The following CD300LF variants were observed in gnomAD, a reference collection of about 807,000 sequenced individuals.
CD300LF encodes CMRF35-like molecule 1.
Under a neutral mutation model 32.2 loss-of-function variants are expected in CD300LF, and 27 were observed. That is an observed-to-expected ratio of 0.84 (90% CI 0.62 to 1.15). The LOEUF (loss-of-function observed/expected upper bound fraction) is 1.15. Ranked by LOEUF, CD300LF falls within the 50% of genes most tolerant of loss-of-function variation. The pLI is 0.00. For missense variants in CD300LF, 348 were observed against 356.8 expected (o/e 0.98, Z 0.20); for synonymous variants, 139 against 143.2 (o/e 0.97, Z 0.21).
rs1259857095 is a variant in CD300LF at position 74,694,716 on chromosome 17, C to T, written c.*380G>A. 1.8e-5 allele frequency: 3 copies of T among 165,752 alleles called. No individual in the cohort carries two copies. The highest frequency in any genetic ancestry group is 6.0e-5 in the Admixed American group (1 of 16,548). 10.3% of individuals were successfully genotyped at this position (165,752 alleles called of 1,614,324 possible). ...GTTCTGAGGATTAGGACACAGATAT[C>T]TTTGGGGGCCATTATTCAGCCCATA... On this transcript the variant is annotated 3_prime_UTR_variant, in exon 7 of 7. Transcript: ENST00000326165.
intron 4 of CD300LF, among the ~76,000 whole-genome samples, chr17:74,698,140 A>C (rs966884524): frequency 1.3e-5 from 2 of 152,212 alleles, no homozygotes; most frequent in African/African-American, 4.8e-5. Flanking sequence ...AGAGAAGAGA[A>C]GGGGAAGGAC....
chr17:74,706,208 A>G (rs1392597693), intron 1 of CD300LF, among the ~76,000 whole-genome samples: 1 of 151,982 alleles, frequency 6.6e-6, no homozygotes, highest in Non-Finnish European at 1.5e-5. Flanking sequence ...AGCATCATGC[A>G]ATATATCCAT....
Position 74,695,815 on chromosome 17 carries a change from G to T in CD300LF, c.627C>A (p.Thr209=). The T allele has an allele frequency of 6.2e-7, 1 of 1,614,170 alleles. No homozygotes were observed. The highest frequency in any genetic ancestry group is 1.1e-5 in the South Asian group (1 of 91,078). ...LEGDLCYADL[T]LQLAGTSPQK... ...GCGGGGAGGTTCCGGCCAGCTGCAG[G>T]GTCAGGTCTGCATAGCAGAGGTCGC... The change falls in exon 6 of 7, where the codon ACC becomes ACA. Residue 209 remains threonine (T), a synonymous_variant. Coordinates refer to ENST00000326165, the MANE Select transcript of CD300LF (RefSeq NM_139018.5).
Position 74,695,131 on chromosome 17 carries a change from C to A in CD300LF, c.838G>T (p.Glu280Ter), listed in dbSNP as rs2032304511. Residue 280 changes from glutamate (E) to a stop codon, truncating the protein, a stop_gained, in exon 7 of 7, where the codon GAG (glutamate) becomes TAG (stop). Coordinates refer to ENST00000326165, the MANE Select transcript of CD300LF (RefSeq NM_139018.5). LOFTEE classifies it high-confidence loss of function. Reference sequence around the variant, plus strand: ...CTGATGGTGCTGTATTCCGTGGGCTCCTCAGGGCCCCTGCCGGGGAGGTGG... The same window carrying A: ...CTGATGGTGCTGTATTCCGTGGGCTACTCAGGGCCCCTGCCGGGGAGGTGG... The part of the protein sequence containing the change: ...SSHLPGRGPE[E>*]PTEYSTISRP The A allele has an allele frequency of 2.5e-6, 4 of 1,614,160 alleles. No individual in the cohort carries two copies. The highest frequency in any genetic ancestry group is 3.4e-6 in the Non-Finnish European group (4 of 1,180,016).
At chr17:74,703,774 T>C (rs1428682440) in intron 2 of CD300LF, among the ~76,000 whole-genome samples, 1 of 152,154 alleles carries the variant, frequency 6.6e-6, no homozygotes, top group Non-Finnish European at 1.5e-5. Context: ...CCTCGAGCCA[T>C]CCTGCTTATC....
chr17:74,695,985 G>T, intron 5 of CD300LF, 126 bp from the exon 6 acceptor site: 1 of 1,296,848 alleles, frequency 7.7e-7, no homozygotes, highest in Non-Finnish European at 1.1e-6. Flanking sequence ...TTCCCTCCGT[G>T]TCCTCCACTT....
In CD300LF at chr17:74,695,718, G is replaced by T; in HGVS notation, c.717+7C>A. On this transcript the variant is annotated splice_region_variant and intron_variant, in intron 6 of 6. Transcript: ENST00000326165. ...CAGCCTCACAGCAGCCCCCATGGAG[G>T]ACGCACCATGGTGACATATTCCACT... 1 of 1,614,112 alleles carries T rather than the reference G, an allele frequency of 6.2e-7. No individual in the cohort carries two copies. The highest frequency in any genetic ancestry group is 1.1e-5 in the South Asian group (1 of 91,088).
chr17:74,712,812 A>C lies in CD300LF; in HGVS notation c.43+12T>G, dbSNP rs367985874. 1 of 1,613,808 alleles carries C rather than the reference A, an allele frequency of 6.2e-7. No individual in the cohort carries two copies. The highest frequency in any genetic ancestry group is 8.5e-7 in the Non-Finnish European group (1 of 1,179,934). Reference sequence around the variant, plus strand: ...TAAGCTTCCCCAAGAAGACAGACCCAGGCCCGCTCACCTGAGAGCCAGAAG... The same window carrying C: ...TAAGCTTCCCCAAGAAGACAGACCCCGGCCCGCTCACCTGAGAGCCAGAAG... On this transcript the variant is annotated intron_variant, in intron 1 of 6. Transcript: ENST00000326165.
intron 5 of CD300LF, 29 bp downstream of exon 5, chr17:74,696,166 C>A (rs762952216): frequency 6.3e-7 from 1 of 1,592,156 alleles, no homozygotes; most frequent in South Asian, 1.1e-5. Flanking sequence ...TGCCTGGTCT[C>A]TCTGGTCCGA....
intron 3 of CD300LF, among the ~76,000 whole-genome samples, chr17:74,702,642 T>C (rs2033158032): frequency 6.6e-6 from 1 of 152,178 alleles, no homozygotes; most frequent in Non-Finnish European, 1.5e-5. Context: ...TGCGGCTCCA[T>C]GACCCCACGC....
intron 1 of CD300LF, among the ~76,000 whole-genome samples, chr17:74,708,823 G>A (rs1019914615): frequency 6.6e-6 from 1 of 151,678 alleles, no homozygotes; most frequent in African/African-American, 2.4e-5. Flanking sequence ...GCTGAGGCAG[G>A]AGAATGACGT....
At chr17:74,700,409 C>T (rs1253496275) in intron 3 of CD300LF, among the ~76,000 whole-genome samples, 1 of 152,060 alleles carries the variant, frequency 6.6e-6, no homozygotes, top group Non-Finnish European at 1.5e-5. Flanking sequence ...CTCCAGAGCT[C>T]TGTGTGGCTC....
At chr17:74,707,802 A>T (rs1036975148) in intron 1 of CD300LF, among the ~76,000 whole-genome samples, 1 of 152,146 alleles carries the variant, frequency 6.6e-6, no homozygotes, top group African/African-American at 2.4e-5. Context: ...AGATAAAAGG[A>T]TATAATAATA....
chr17:74,697,290 C>T (rs911683392), intron 4 of CD300LF, among the ~76,000 whole-genome samples: 8 of 152,176 alleles, frequency 5.3e-5, no homozygotes, highest in African/African-American at 1.9e-4. Flanking sequence ...CAGGTGGTTG[C>T]TGGTCCCTGT....
intron 5 of CD300LF, 29 bp downstream of exon 5, chr17:74,696,166 C>G (rs762952216): frequency 6.3e-7 from 1 of 1,592,156 alleles, no homozygotes; most frequent in South Asian, 1.1e-5. Flanking sequence ...TGCCTGGTCT[C>G]TCTGGTCCGA....
chr17:74,708,960 T>C (rs925378425), intron 1 of CD300LF, among the ~76,000 whole-genome samples: 2 of 149,844 alleles, frequency 1.3e-5, no homozygotes, highest in African/African-American at 4.9e-5. Context: ...CACGGTGGTT[T>C]ACACCTGCAA....
At chr17:74,704,876 C>T in intron 1 of CD300LF, 60 bp from the exon 2 acceptor site, 1 of 1,340,594 alleles carries the variant, frequency 7.5e-7, no homozygotes, top group Non-Finnish European at 1.0e-6. Flanking sequence ...CCACAGCTTT[C>T]TGTTTAGGGA....
At chr17:74,703,619 TG>T (rs1008202223) in intron 2 of CD300LF, among the ~76,000 whole-genome samples, 2 of 152,196 alleles carry the variant, frequency 1.3e-5, no homozygotes, top group Non-Finnish European at 2.9e-5. Context: ...ACTTCAATGA[TG>T]GGGATGCCCC....
intron 4 of CD300LF, among the ~76,000 whole-genome samples, chr17:74,697,282 G>A (rs1223957334): frequency 6.6e-6 from 1 of 152,046 alleles, no homozygotes; most frequent in Admixed American, 6.6e-5. Context: ...CCGATTTTCA[G>A]GTGGTTGCTG....
Sources: allele counts gnomAD v4.1 joint callset (sites outside exome capture counted in the v4.1 genomes callset), GRCh38; gene constraint gnomAD v4.1.1; transcripts MANE v1.5; gene names NCBI Gene and HGNC (gene_info 2026-07-23, HGNC 2026-07-21).